PCDHB2: variants seen among roughly 807,000 people sequenced by gnomAD.
The protein encoded by PCDHB2 is protocadherin beta 2.
For missense variants in PCDHB2, 914 were observed against 1,023.1 expected (o/e 0.89, Z 1.45); for synonymous variants, 395 against 464.9 (o/e 0.85, Z 1.93).
rs1043259614 is a variant in PCDHB2, at chr5:141,098,467, A to T, written c.*1280A>T. 5 of 152,158 alleles carry T rather than the reference A, an allele frequency of 3.3e-5. No individual in the cohort carries two copies. Among genetic ancestry groups the T allele is most frequent in the Admixed American group, 3.3e-4 (5 of 15,284 alleles). The allele number at this position is 152,158 out of a possible 1,614,324, so 9.4% of individuals were successfully genotyped here. ...AAATTTATCTAGCACCACTCACTCT[A>T]TTTTTTTGCACTGACTACTTCTATT... On this transcript the variant is annotated 3_prime_UTR_variant, in exon 1 of 1. Transcript: ENST00000194155.
rs781854880 is a variant in PCDHB2, at chr5:141,096,373, C to G, written c.1583C>G (p.Ala528Gly). 1 of 1,610,788 alleles carries G rather than the reference C, an allele frequency of 6.2e-7. No homozygotes were observed. The highest frequency in any genetic ancestry group is 8.5e-7 in the Non-Finnish European group (1 of 1,179,236). The part of the protein sequence containing the change: ...LQSLDYEALQ[A>G]FEFRVGAADR... ...TCGCTGGACTACGAGGCCCTGCAGG[C>G]GTTCGAGTTCCGCGTGGGCGCCGCA... The change falls in exon 1 of 1, where the codon GCG becomes GGG. Residue 528 changes from alanine (A) to glycine (G), a missense_variant. Coordinates refer to ENST00000194155, the MANE Select transcript of PCDHB2 (RefSeq NM_018936.4).
rs373432763 is a variant in PCDHB2 at position 141,096,677 on chromosome 5, C to T, written c.1887C>T (p.Ala629=). ...CGCACAATGGCGAGGTGCGCACCGC[C>T]AGGCTGCTGAGGGAGCGCGACGCTG... ...VWAHNGEVRT[A]RLLRERDAAK... is the part of the protein sequence containing the mutation. The change falls in exon 1 of 1, where the codon GCC becomes GCT. Residue 629 remains alanine (A), a synonymous_variant. Coordinates refer to ENST00000194155, the MANE Select transcript of PCDHB2 (RefSeq NM_018936.4). 3.6e-5 allele frequency: 58 copies of T among 1,610,188 alleles called. No individual in the cohort carries two copies. Among genetic ancestry groups the T allele is most frequent in the Non-Finnish European group, 4.7e-5 (55 of 1,179,658 alleles).
At position 141,098,383 on chromosome 5, in the gene PCDHB2, T is replaced by C. The variant is rs1383560116; in HGVS notation, c.*1196T>C. Reference sequence around the variant, plus strand: ...ACCCTCAAACATAGCTTGGTATTGCTGTTTTTAAAATTTTCTGGAGCATTT... The same window carrying C: ...ACCCTCAAACATAGCTTGGTATTGCCGTTTTTAAAATTTTCTGGAGCATTT... On this transcript the variant is annotated 3_prime_UTR_variant, in exon 1 of 1. Coordinates refer to ENST00000194155, the MANE Select transcript of PCDHB2 (RefSeq NM_018936.4). 3 of 152,230 alleles carry C rather than the reference T, an allele frequency of 2.0e-5. No individual in the cohort carries two copies. The highest frequency in any genetic ancestry group is 4.4e-5 in the Non-Finnish European group (3 of 68,046). The allele number at this position is 152,230 out of a possible 1,614,324, so 9.4% of individuals were successfully genotyped here.
rs17096879 is a variant in PCDHB2 at position 141,096,875 on chromosome 5, G to A, written c.2085G>A (p.Ala695=). Residue 695 remains alanine (A), a synonymous_variant, in exon 1 of 1, where the codon GCG becomes GCA. Coordinates refer to ENST00000194155, the MANE Select transcript of PCDHB2 (RefSeq NM_018936.4). ...ADLLTVYLVV[A]LASVSSLFLF... ...TGCTCACCGTCTACCTGGTGGTGGC[G>A]TTGGCCTCGGTGTCTTCGCTCTTCC... is the stretch of plus-strand genomic sequence containing the variant. 546 of 1,611,570 alleles carry A rather than the reference G, an allele frequency of 3.4e-4. 1 individual carries two copies. The highest frequency in any genetic ancestry group is 2.9e-3 in the Middle Eastern group (14 of 4,780).
chr5:141,095,005 G>T lies in PCDHB2; in HGVS notation c.215G>T (p.Gly72Val), dbSNP rs1563825770. ...AGGGGGGCCAGGGTCGTTTCCAAAG[G>T]AAAAAAAATGCATTTGCAGTTCGAT... ...AVRGARVVSKGKKMHLQFDRQ... is the reference protein window; with the variant it reads ...AVRGARVVSKVKKMHLQFDRQ... Residue 72 changes from glycine (G) to valine (V), a missense_variant, in exon 1 of 1, where the codon GGA (glycine) becomes GTA (valine). Transcript: ENST00000194155. The T allele has an allele frequency of 6.2e-7, 1 of 1,610,246 alleles. No individual in the cohort carries two copies. The highest frequency in any genetic ancestry group is 1.7e-5 in the Admixed American group (1 of 58,918).
chr5:141,096,880 C>T lies in PCDHB2; in HGVS notation c.2090C>T (p.Ala697Val). 1 of 1,611,722 alleles carries T rather than the reference C, an allele frequency of 6.2e-7. No individual in the cohort carries two copies. The highest frequency in any genetic ancestry group is 8.5e-7 in the Non-Finnish European group (1 of 1,179,798). ...ACCGTCTACCTGGTGGTGGCGTTGG[C>T]CTCGGTGTCTTCGCTCTTCCTCTTC... is the stretch of plus-strand genomic sequence containing the variant. ...LLTVYLVVAL[A>V]SVSSLFLFSV... The change falls in exon 1 of 1, where the codon GCC (alanine) becomes GTC (valine). Residue 697 changes from alanine (A) to valine (V), a missense_variant. Transcript: ENST00000194155.
rs1563830310 is a variant in PCDHB2, at chr5:141,096,740, C to T, written c.1950C>T (p.Gly650=). The change falls in exon 1 of 1, where the codon GGC becomes GGT. Residue 650 remains glycine (G), a synonymous_variant. Coordinates refer to ENST00000194155, the MANE Select transcript of PCDHB2 (RefSeq NM_018936.4). ...TGGTGGTGCTGGTCAAGGACAATGGCGAGCCTCCGCGCTCGGCCACCGCCA... is the reference window on the plus strand; with the variant it reads ...TGGTGGTGCTGGTCAAGGACAATGGTGAGCCTCCGCGCTCGGCCACCGCCA... ...QRLVVLVKDN[G]EPPRSATATL... 1.2e-6 allele frequency: 2 copies of T among 1,609,876 alleles called. No individual in the cohort carries two copies. Among genetic ancestry groups the T allele is most frequent in the African/African-American group, 2.7e-5 (2 of 74,864 alleles).
At position 141,096,988 on chromosome 5, in the gene PCDHB2, C is replaced by T. The variant is rs782345353; in HGVS notation, c.2198C>T (p.Pro733Leu). 1 of 1,613,338 alleles carries T rather than the reference C, an allele frequency of 6.2e-7. No individual in the cohort carries two copies. Among genetic ancestry groups the T allele is most frequent in the East Asian group, 2.2e-5 (1 of 44,872 alleles). ...SVGRCSVPEG[P>L]FPGQMVDVSG... ...GGTCGCTGCTCGGTGCCCGAGGGCC[C>T]CTTTCCAGGGCAGATGGTGGACGTG... The change falls in exon 1 of 1, where the codon CCC becomes CTC. Residue 733 changes from proline (P) to leucine (L), a missense_variant. By Grantham distance (98) the Pro-to-Leu change is moderately conservative (BLOSUM62 -3). Transcript: ENST00000194155.
At position 141,097,086 on chromosome 5, in the gene PCDHB2, T is replaced by C; in HGVS notation, c.2296T>C (p.Phe766Leu). ...GACTGGAGGCTCCGGGACAAATGAG[T>C]TCAAGTTCCTGAAGCCAATTATCCC... ...CLTGGSGTNE[F>L]KFLKPIIPNF... The change falls in exon 1 of 1, where the codon TTC (phenylalanine) becomes CTC (leucine). Residue 766 changes from phenylalanine to leucine, a missense_variant. Coordinates refer to ENST00000194155, the MANE Select transcript of PCDHB2 (RefSeq NM_018936.4). 2 of 1,611,748 alleles carry C rather than the reference T, an allele frequency of 1.2e-6. No homozygotes were observed. The highest frequency in any genetic ancestry group is 1.7e-6 in the Non-Finnish European group (2 of 1,178,648).
rs17844376 is a variant in PCDHB2 at position 141,096,396 on chromosome 5, G to A, written c.1606G>A (p.Ala536Thr). ...GGCGTTCGAGTTCCGCGTGGGCGCC[G>A]CAGACCGCGGCTCCCCGGCGTTGAG... ...LQAFEFRVGA[A>T]DRGSPALSSE... is the part of the protein sequence containing the mutation. Residue 536 changes from alanine to threonine, a missense_variant, in exon 1 of 1, where the codon GCA becomes ACA. Coordinates refer to ENST00000194155, the MANE Select transcript of PCDHB2 (RefSeq NM_018936.4). 0.24 allele frequency: 385,230 copies of A among 1,597,370 alleles called. 48,839 individuals are homozygous for A. Among genetic ancestry groups the A allele is most frequent in the East Asian group, 0.45 (20,271 of 44,714 alleles).
Position 141,096,629 on chromosome 5 carries a change from G to C in PCDHB2, c.1839G>C (p.Glu613Asp). 1.2e-6 allele frequency: 2 copies of C among 1,608,100 alleles called. No homozygotes were observed. Among genetic ancestry groups the C allele is most frequent in the Non-Finnish European group, 1.7e-6 (2 of 1,179,530 alleles). ...CGTACCAGCTGCTCAAGGCCACGGA[G>C]CCCGGGCTGTTCGGCGTGTGGGCGC... ...WLSYQLLKAT[E>D]PGLFGVWAHN... The change falls in exon 1 of 1, where the codon GAG becomes GAC. Residue 613 changes from glutamate (E) to aspartate (D), a missense_variant. Physicochemically the swap from Glu to Asp is conservative, Grantham distance 45 (BLOSUM62 2). Transcript: ENST00000194155.
In PCDHB2 at chr5:141,094,650, G is replaced by A. The variant is rs556735725; in HGVS notation, c.-141G>A. 300 of 595,072 alleles carry A rather than the reference G, an allele frequency of 5.0e-4. 3 individuals are homozygous for A. In the South Asian group the frequency reaches 7.2e-3, roughly 14 times the overall value. The allele number at this position is 595,072 out of a possible 1,614,324, so 36.9% of individuals were successfully genotyped here. On this transcript the variant is annotated 5_prime_UTR_variant, in exon 1 of 1. Transcript: ENST00000194155. ...CTAAAGAAGCAGCAAGCAGGAAGAG[G>A]AGGCTTTCTAAGGCGGTCGCTCCGG...
Position 141,094,688 on chromosome 5 carries a change from C to G in PCDHB2, c.-103C>G, listed in dbSNP as rs934137276. On this transcript the variant is annotated 5_prime_UTR_variant, in exon 1 of 1. Coordinates refer to ENST00000194155, the MANE Select transcript of PCDHB2 (RefSeq NM_018936.4). ...GCGGTCGCTCCGGGAAATCCGGGCCCTAGGATTGTCCACTCATCCCAGTAT... is the reference window on the plus strand; with the variant it reads ...GCGGTCGCTCCGGGAAATCCGGGCCGTAGGATTGTCCACTCATCCCAGTAT... The G allele has an allele frequency of 1.2e-5, 12 of 979,306 alleles. No homozygotes were observed. The highest frequency in any genetic ancestry group is 1.7e-5 in the Non-Finnish European group (11 of 662,242). 60.7% of individuals were successfully genotyped at this position (979,306 alleles called of 1,614,324 possible).
In PCDHB2 at chr5:141,096,878, G is replaced by C. The variant is rs1240690229; in HGVS notation, c.2088G>C (p.Leu696Phe). 4.3e-6 allele frequency: 7 copies of C among 1,611,604 alleles called. No individual in the cohort carries two copies. In the African/African-American group the frequency reaches 6.7e-5, roughly 15 times the overall value. Residue 696 changes from leucine (L) to phenylalanine (F), a missense_variant, in exon 1 of 1, where the codon TTG (leucine) becomes TTC (phenylalanine). By Grantham distance (22) the Leu-to-Phe change is conservative (BLOSUM62 0). Coordinates refer to ENST00000194155, the MANE Select transcript of PCDHB2 (RefSeq NM_018936.4). ...DLLTVYLVVA[L>F]ASVSSLFLFS... The stretch of plus-strand genomic sequence containing the variant: ...TCACCGTCTACCTGGTGGTGGCGTT[G>C]GCCTCGGTGTCTTCGCTCTTCCTCT...
Position 141,095,643 on chromosome 5 carries a change from C to G in PCDHB2, c.853C>G (p.Gln285Glu). The G allele has an allele frequency of 1.2e-6, 2 of 1,614,174 alleles. No individual in the cohort carries two copies. Among genetic ancestry groups the G allele is most frequent in the Non-Finnish European group, 1.7e-6 (2 of 1,180,040 alleles). Residue 285 changes from glutamine (Q) to glutamate (E), a missense_variant, in exon 1 of 1, where the codon CAA (glutamine) becomes GAA (glutamate). Transcript: ENST00000194155. ...TNGEISYAFS[Q>E]ASEDIRKTFR... Reference sequence around the variant, plus strand: ...TGGAGAAATATCTTATGCATTTTCCCAAGCATCTGAAGACATTCGCAAAAC... The same window carrying G: ...TGGAGAAATATCTTATGCATTTTCCGAAGCATCTGAAGACATTCGCAAAAC...
Position 141,095,960 on chromosome 5 carries a change from T to A in PCDHB2, c.1170T>A (p.Asp390Glu), listed in dbSNP as rs1413709336. The change falls in exon 1 of 1, where the codon GAT (aspartate) becomes GAA (glutamate). Residue 390 changes from aspartate to glutamate, a missense_variant. Asp to Glu is a conservative substitution (Grantham distance 45). Transcript: ENST00000194155. ...NGRMVCSIQD[D>E]LPFFLKPSVE... ...GGATGGTGTGCTCCATCCAAGATGA[T>A]CTTCCTTTTTTCTTGAAACCTTCTG... The A allele has an allele frequency of 8.7e-6, 14 of 1,613,966 alleles. No individual in the cohort carries two copies. Among genetic ancestry groups the A allele is most frequent in the African/African-American group, 1.3e-5 (1 of 74,886 alleles).
Position 141,096,756 on chromosome 5 carries a change from G to A in PCDHB2, c.1966G>A (p.Ala656Thr), listed in dbSNP as rs1554271623. 6 of 1,609,596 alleles carry A rather than the reference G, an allele frequency of 3.7e-6. No homozygotes were observed. In the Admixed American group the frequency reaches 1.0e-4, roughly 27 times the overall value. ...GGACAATGGCGAGCCTCCGCGCTCG[G>A]CCACCGCCACGCTGCACGTGCTCCT... ...VKDNGEPPRS[A>T]TATLHVLLVD... Residue 656 changes from alanine to threonine, a missense_variant, in exon 1 of 1, where the codon GCC becomes ACC. By Grantham distance (58) the Ala-to-Thr change is moderately conservative. Transcript: ENST00000194155.
chr5:141,097,557 G>A lies in PCDHB2; in HGVS notation c.*370G>A, dbSNP rs1751861127. The A allele has an allele frequency of 5.8e-6, 1 of 173,360 alleles. No individual in the cohort carries two copies. Among genetic ancestry groups the A allele is most frequent in the Admixed American group, 5.7e-5 (1 of 17,546 alleles). The allele number at this position is 173,360 out of a possible 1,614,324, so 10.7% of individuals were successfully genotyped here. ...ATCATTACATGAGTTATATTTTCCA[G>A]CCCAGAATATTTGTGTTTTTTATAT... On this transcript the variant is annotated 3_prime_UTR_variant, in exon 1 of 1. Coordinates refer to ENST00000194155, the MANE Select transcript of PCDHB2 (RefSeq NM_018936.4).
rs529628575 is a variant in PCDHB2 at position 141,095,073 on chromosome 5, G to A, written c.283G>A (p.Glu95Lys). ...GTTGTTAAATGAGAAATTGGACCGG[G>A]AGGAGCTGTGCGGCCCCACAGAGCC... ...DLLLNEKLDR[E>K]ELCGPTEPCV... is the part of the protein sequence containing the mutation. Residue 95 changes from glutamate to lysine, a missense_variant, in exon 1 of 1, where the codon GAG becomes AAG. Coordinates refer to ENST00000194155, the MANE Select transcript of PCDHB2 (RefSeq NM_018936.4). 31 of 1,614,190 alleles carry A rather than the reference G, an allele frequency of 1.9e-5. No homozygotes were observed. In the East Asian group the frequency reaches 6.0e-4, roughly 31 times the overall value.
Sources: allele counts gnomAD v4.1 joint callset, GRCh38; gene constraint gnomAD v4.1.1; transcripts MANE v1.5; gene names NCBI Gene and HGNC (gene_info 2026-07-23, HGNC 2026-07-21).